The following MRPL34 variants were observed in gnomAD, a reference collection of about 807,000 sequenced individuals.
MRPL34 encodes the protein mitochondrial ribosomal protein L34.
In MRPL34, 8 loss-of-function variants were observed where a neutral mutation model predicts 6.7. The ratio of observed to expected loss-of-function variants is 1.20; its 90% CI spans 0.70 to 2.16. The LOEUF (loss-of-function observed/expected upper bound fraction) is 2.16. Ranked by LOEUF, MRPL34 falls within the 30% of genes most tolerant of loss-of-function variation. The pLI is 0.00. For synonymous variants in MRPL34, 59 were observed against 55.1 expected, an observed-to-expected ratio of 1.07 and a Z score of -0.31; for missense variants, 146 against 125.5, an observed-to-expected ratio of 1.16 and a Z score of -0.78.
At chr19:17,306,070 A>G (rs1884923522) in intron 1 of MRPL34, 96 bp from the exon 2 acceptor site, 1 of 1,530,874 alleles carries the variant, frequency 6.5e-7, no homozygotes, top group Non-Finnish European at 8.9e-7. Context: ...TTTTGCAGCC[A>G]GGCTCTGTCT....
At chr19:17,303,967 C>CT (rs973992921), upstream of MRPL34, among the ~76,000 whole-genome samples, 13 of 152,170 alleles carry the variant, frequency 8.5e-5, no homozygotes, top group African/African-American at 3.1e-4. Context: ...CCTACGCCCC[C>CT]CCCTTTTCTT....
At chr19:17,305,790 A>G (rs1392782539), upstream of MRPL34, 1 of 1,237,904 alleles carries the variant, frequency 8.1e-7, no homozygotes, top group South Asian at 1.2e-5. Context: ...TCTTTTTTGC[A>G]CGTTAGGAGA....
chr19:17,292,753 T>C, exon 1 of MRPL34: 1 of 1,613,842 alleles, frequency 6.2e-7, no homozygotes, highest in Non-Finnish European at 8.5e-7. Context: ...TGGAGCAGCG[T>C]GTTGACCGTC....
chr19:17,293,601 A>C (rs1291711069), intron 1 of MRPL34, among the ~76,000 whole-genome samples: 1 of 151,820 alleles, frequency 6.6e-6, no homozygotes, highest in Non-Finnish European at 1.5e-5. Context: ...TGACACCTAA[A>C]AATGTCTCCA....
intron 1 of MRPL34, chr19:17,296,432 T>G (rs748641494): frequency 1.3e-5 from 2 of 152,176 alleles, no homozygotes; most frequent in Admixed American, 6.6e-5. Flanking sequence ...AGCAATCTGA[T>G]TAAACAAATG....
upstream of MRPL34, chr19:17,301,208 C>T: frequency 6.2e-7 from 1 of 1,600,414 alleles, no homozygotes; most frequent in Non-Finnish European, 8.5e-7. Context: ...CTGCCGCTGC[C>T]TGCGCTGCCG....
intron 1 of MRPL34, chr19:17,297,744 C>CTTTTTTTTTTTTTTTTCTTTT (rs71334702): frequency 7.7e-6 from 1 of 130,262 alleles, no homozygotes; most frequent in Non-Finnish European, 1.7e-5. Flanking sequence ...GTTTTCTTTT[C>CTTTTTTTTTTTTTTTTCTTTT]TTTTTTTTTT....
upstream of MRPL34, among the ~76,000 whole-genome samples, chr19:17,302,539 G>C (rs984280210): frequency 3.3e-5 from 5 of 152,210 alleles, no homozygotes; most frequent in African/African-American, 4.8e-5. Flanking sequence ...CCTAGGAGAG[G>C]GGGATGGGGA....
At chr19:17,296,239 G>A (rs987678305) in intron 1 of MRPL34, 3 of 142,250 alleles carry the variant, frequency 2.1e-5, no homozygotes, top group Non-Finnish European at 4.6e-5. Context: ...TTTTTGTAGA[G>A]ATGGGGGTCT....
At chr19:17,302,843 C>G (rs1360345260), upstream of MRPL34, 1 of 152,224 alleles carries the variant, frequency 6.6e-6, no homozygotes, top group Non-Finnish European at 1.5e-5. Flanking sequence ...GGGGGATACC[C>G]GAGCAGTGCA....
chr19:17,295,403 G>A (rs1244022051), intron 1 of MRPL34, among the ~76,000 whole-genome samples: 1 of 151,700 alleles, frequency 6.6e-6, no homozygotes, highest in Non-Finnish European at 1.5e-5. Context: ...CACTGCGCCT[G>A]GCCTGGTTTG....
intron 1 of MRPL34, chr19:17,294,942 T>G: frequency 7.0e-7 from 1 of 1,430,274 alleles, no homozygotes; most frequent in Non-Finnish European, 9.5e-7. Context: ...TTGTTTTTGT[T>G]TGAGACAGTT....
At chr19:17,301,770 TTTTG>T (rs1555721091), upstream of MRPL34, 10 of 907,408 alleles carry the variant, frequency 1.1e-5, no homozygotes, top group South Asian at 4.3e-5. Flanking sequence ...ACTGAGATTT[TTTTG>T]TTTGTGTGTG....
At chr19:17,296,856 G>C (rs890468405) in intron 1 of MRPL34, among the ~76,000 whole-genome samples, 1 of 151,830 alleles carries the variant, frequency 6.6e-6, no homozygotes, top group Non-Finnish European at 1.5e-5. Flanking sequence ...CATTATGCCC[G>C]GCTAATTTTT....
At chr19:17,294,279 C>A (rs147460934) in intron 1 of MRPL34, 1 of 1,595,544 alleles carries the variant, frequency 6.3e-7, no homozygotes, top group Non-Finnish European at 8.5e-7. Flanking sequence ...CCCAGGTGCC[C>A]GCCTCTACCT....
chr19:17,301,231 C>G (rs762808953), upstream of MRPL34: 3 of 1,591,684 alleles, frequency 1.9e-6, no homozygotes, highest in Non-Finnish European at 1.7e-6. Context: ...GGCCAAGCGG[C>G]CATCGCTGCC....
chr19:17,303,711 C>T (rs1378429788), upstream of MRPL34, among the ~76,000 whole-genome samples: 3 of 152,152 alleles, frequency 2.0e-5, no homozygotes, highest in Admixed American at 2.0e-4. Flanking sequence ...CTCCCAAGCC[C>T]TTGCCCCCCA....
At chr19:17,294,479 T>C in intron 1 of MRPL34, 1 of 1,614,154 alleles carries the variant, frequency 6.2e-7, no homozygotes, top group South Asian at 1.1e-5. Flanking sequence ...TGCTTCTCCT[T>C]GGCTCCTTGG....
At chr19:17,297,391 G>A (rs2074097890) in intron 1 of MRPL34, among the ~76,000 whole-genome samples, 1 of 152,066 alleles carries the variant, frequency 6.6e-6, no homozygotes, top group Non-Finnish European at 1.5e-5. Context: ...CACCTCATGG[G>A]TTCGAATGAT....
Sources: allele counts gnomAD v4.1 joint callset (sites outside exome capture counted in the v4.1 genomes callset), GRCh38; gene constraint gnomAD v4.1.1; transcripts MANE v1.5; gene names NCBI Gene and HGNC (gene_info 2026-07-23, HGNC 2026-07-21).